Variants in PGAP4 observed in about 807,000 individuals in gnomAD.
PGAP4 encodes the protein GPI-N-acetylgalactosamine transferase PGAP4.
Under a neutral mutation model 28.2 loss-of-function variants are expected in PGAP4, and 12 were observed. The ratio of observed to expected loss-of-function variants is 0.42; its 90% CI spans 0.27 to 0.69. The LOEUF (loss-of-function observed/expected upper bound fraction) is 0.69, where lower values mean the gene tolerates loss of function less well. PGAP4 is among the 30% of genes least tolerant of loss of function. The pLI, the probability that PGAP4 is intolerant of heterozygous loss-of-function variation, is 0.22. For synonymous variants in PGAP4, 205 were observed against 211.8 expected (o/e 0.97, Z 0.28); for missense variants, 425 against 513.5 (o/e 0.83, Z 1.67).
At chr9:101,510,038 G>A (rs1384178255) in intron 2 of PGAP4, among the ~76,000 whole-genome samples, 2 of 152,152 alleles carry the variant, frequency 1.3e-5, no homozygotes, top group Non-Finnish European at 2.9e-5. Flanking sequence ...ACAAAAACAA[G>A]CATTGTTGCC....
upstream of PGAP4, among the ~76,000 whole-genome samples, chr9:101,490,251 G>T (rs1439890755): frequency 6.6e-6 from 1 of 152,106 alleles, no homozygotes; most frequent in Non-Finnish European, 1.5e-5. Flanking sequence ...GTGCAGTGAT[G>T]CAATCTCAGC....
chr9:101,507,147 T>C (rs982130458), intron 2 of PGAP4, among the ~76,000 whole-genome samples: 2 of 152,040 alleles, frequency 1.3e-5, no homozygotes, highest in African/African-American at 4.8e-5. Flanking sequence ...CTCCTATTCC[T>C]CTCAAGTGCT....
intron 2 of PGAP4, among the ~76,000 whole-genome samples, chr9:101,495,945 C>G (rs572480041): frequency 6.6e-6 from 1 of 151,348 alleles, no homozygotes; most frequent in South Asian, 2.1e-4. Flanking sequence ...GAAATGGGTA[C>G]TTGAATTTAA....
At chr9:101,495,356 G>A (rs71491797) in intron 2 of PGAP4, among the ~76,000 whole-genome samples, 1 of 23,184 alleles carries the variant, frequency 4.3e-5, no homozygotes, top group Non-Finnish European at 7.4e-5. Context: ...TATATTATAT[G>A]TAGTTATATT....
chr9:101,473,969 A>C lies in PGAP4; in HGVS notation c.*1912T>G, dbSNP rs78173952. 6.6e-6 allele frequency: 1 copy of C among 152,306 alleles called. No individual in the cohort carries two copies. Among genetic ancestry groups the C allele is most frequent in the Non-Finnish European group, 1.5e-5 (1 of 68,040 alleles). 9.4% of individuals were successfully genotyped at this position (152,306 alleles called of 1,614,324 possible). A position where few individuals can be genotyped will look rare whatever the true frequency, so the allele number is the denominator to read the frequency against. ...ACATAACAGCTCACTATAACATTAC[A>C]ACACATACTTATATCTGTTTGCTCC... On this transcript the variant is annotated 3_prime_UTR_variant, in exon 2 of 2. Transcript: ENST00000374848.
chr9:101,504,620 A>G (rs932094724), intron 2 of PGAP4, among the ~76,000 whole-genome samples: 1 of 151,768 alleles, frequency 6.6e-6, no homozygotes, highest in Non-Finnish European at 1.5e-5. Context: ...TTGTCCCAAG[A>G]GTTTGTTTGT....
At chr9:101,498,720 T>C (rs939602765) in intron 2 of PGAP4, among the ~76,000 whole-genome samples, 12 of 152,040 alleles carry the variant, frequency 7.9e-5, no homozygotes, top group African/African-American at 2.7e-4. Flanking sequence ...CATGCCTTAA[T>C]ATTTGAGAAT....
At chr9:101,479,300 T>A (rs1013059647) in intron 1 of PGAP4, among the ~76,000 whole-genome samples, 1 of 152,230 alleles carries the variant, frequency 6.6e-6, no homozygotes, top group African/African-American at 2.4e-5. Flanking sequence ...CCTGCAGTAT[T>A]GGCCTTGGAA....
intron 2 of PGAP4, among the ~76,000 whole-genome samples, chr9:101,529,402 G>A (rs1348367894): frequency 2.6e-5 from 4 of 152,102 alleles, no homozygotes; most frequent in Non-Finnish European, 5.9e-5. Context: ...TGATCCGCCC[G>A]CCTTGGCCTC....
At chr9:101,507,313 A>G (rs1205111408) in intron 2 of PGAP4, among the ~76,000 whole-genome samples, 1 of 152,114 alleles carries the variant, frequency 6.6e-6, no homozygotes, top group Non-Finnish European at 1.5e-5. Context: ...GTTTCCCAAG[A>G]CAAATTATAG....
At chr9:101,504,878 T>C (rs754718217) in intron 2 of PGAP4, among the ~76,000 whole-genome samples, 74 of 152,084 alleles carry the variant, frequency 4.9e-4, no homozygotes, top group Non-Finnish European at 9.6e-4. Context: ...CTGGTGGGCA[T>C]TGGGTTGGGC....
chr9:101,478,782 G>A (rs562050697), intron 1 of PGAP4, among the ~76,000 whole-genome samples: 1 of 152,292 alleles, frequency 6.6e-6, no homozygotes, highest in South Asian at 2.1e-4. Flanking sequence ...GGACGGCATG[G>A]AACAGATGTC....
At chr9:101,522,538 G>A (rs1437507338) in intron 2 of PGAP4, among the ~76,000 whole-genome samples, 4 of 152,068 alleles carry the variant, frequency 2.6e-5, no homozygotes, top group African/African-American at 9.7e-5. Flanking sequence ...AGCTACCCCT[G>A]CTCACTTTTG....
chr9:101,489,335 G>A, upstream of PGAP4: 1 of 152,142 alleles, frequency 6.6e-6, no homozygotes, highest in East Asian at 1.9e-4. Flanking sequence ...TCATTGGTTA[G>A]GCTTTGGCCA....
intron 1 of PGAP4, among the ~76,000 whole-genome samples, chr9:101,531,886 A>C (rs1827093424): frequency 6.6e-6 from 1 of 152,260 alleles, no homozygotes; most frequent in South Asian, 2.1e-4. Flanking sequence ...AAATTAAACT[A>C]TACTAGTGCT....
In PGAP4 at chr9:101,510,749, C is replaced by T. The variant is rs1380457684; in HGVS notation, c.-165+20599G>A. Reference sequence around the variant, plus strand: ...CTGTGACTGTGACAAGTACACAATGCGGGAAAGAGTCACGGACAGCAGTGA... The same window carrying T: ...CTGTGACTGTGACAAGTACACAATGTGGGAAAGAGTCACGGACAGCAGTGA... On this transcript the variant is annotated intron_variant, in intron 2 of 3. Transcript: ENST00000374851. 3.3e-5 allele frequency among the ~76,000 whole-genome samples: 5 copies of T among 152,036 alleles called. No homozygotes were observed. In the East Asian group the frequency reaches 5.8e-4, roughly 18 times the overall value.
intron 2 of PGAP4, among the ~76,000 whole-genome samples, chr9:101,498,001 T>C (rs1403714049): frequency 6.6e-6 from 1 of 151,908 alleles, no homozygotes; most frequent in Non-Finnish European, 1.5e-5. Context: ...AATTATATTT[T>C]TGACAAAATT....
upstream of PGAP4, among the ~76,000 whole-genome samples, chr9:101,490,130 A>C (rs563604178): frequency 6.6e-6 from 1 of 152,296 alleles, no homozygotes; most frequent in East Asian, 1.9e-4. Flanking sequence ...GGCTCTTTAC[A>C]GAGGCCTCCT....
Position 101,476,993 on chromosome 9 carries a change from T to C in PGAP4, c.100A>G (p.Thr34Ala). ...GCCAGGGGGGCCAGCAGGCCAAACGTCACCACTGTTAGGATGAAGAGCTGG... is the reference window on the plus strand; with the variant it reads ...GCCAGGGGGGCCAGCAGGCCAAACGCCACCACTGTTAGGATGAAGAGCTGG... ...AVQLFILTVV[T>A]FGLLAPLACH... The change falls in exon 2 of 2, where the codon ACG (threonine) becomes GCG (alanine). Residue 34 changes from threonine (T) to alanine (A), a missense_variant. Physicochemically the swap from Thr to Ala is moderately conservative, Grantham distance 58 (BLOSUM62 0). Coordinates refer to ENST00000374848, the MANE Select transcript of PGAP4 (RefSeq NM_032342.3). The surrounding 1 kb of genome is among the most constrained non-coding windows in gnomAD (Gnocchi z 7.0). 2 of 1,613,870 alleles carry C rather than the reference T, an allele frequency of 1.2e-6. No individual in the cohort carries two copies. The highest frequency in any genetic ancestry group is 1.7e-6 in the Non-Finnish European group (2 of 1,179,984).
Sources: gnomAD v4.1 joint callset for allele counts (sites outside exome capture counted in the v4.1 genomes callset) on GRCh38, gnomAD v4.1.1 for gene constraint, Gnocchi (gnomAD v3.1) non-coding constraint, MANE v1.5 for transcripts, NCBI Gene and HGNC (gene_info 2026-07-23, HGNC 2026-07-21) for gene names.